The following CTNNA3 variants were observed in gnomAD, a reference collection of about 807,000 sequenced individuals.
CTNNA3 encodes the protein catenin alpha-3.
In CTNNA3, 76 loss-of-function variants were observed where a neutral mutation model predicts 95.7. The ratio of observed to expected loss-of-function variants is 0.79; its 90% CI spans 0.66 to 0.96. The LOEUF (loss-of-function observed/expected upper bound fraction) is 0.96. Ranked by LOEUF, CTNNA3 falls within the 40% of genes least tolerant of loss-of-function variation. The probability of loss-of-function intolerance (pLI) is 0.00; values close to 1 mark genes in which losing one functional copy is unlikely to be tolerated. For missense variants in CTNNA3, 1,191 were observed against 1,089.8 expected (o/e 1.09, Z -1.31); for synonymous variants, 431 against 374.4 (o/e 1.15, Z -1.74).
At chr10:66,445,326 T>C (rs1225872633) in intron 11 of CTNNA3, among the ~76,000 whole-genome samples, 5 of 152,074 alleles carry the variant, frequency 3.3e-5, no homozygotes, top group African/African-American at 4.8e-5. Context: ...GCAGACCTAA[T>C]AGACATCTAC....
intron 11 of CTNNA3, among the ~76,000 whole-genome samples, chr10:66,391,554 T>C (rs1176498630): frequency 2.6e-5 from 4 of 152,126 alleles, no homozygotes; most frequent in Non-Finnish European, 4.4e-5. Flanking sequence ...TCGATCAGGA[T>C]ATTTTAAAAC....
chr10:67,692,279 C>T lies in CTNNA3; in HGVS notation c.-6+3721G>A, dbSNP rs796612605. ...TGAGAACGGGCCATGATGACAATGG[C>T]GGTTTTGTGGAATAGAAAGGGGGGA... On this transcript the variant is annotated intron_variant, in intron 1 of 17. Transcript: ENST00000433211. Among the ~76,000 whole-genome samples, 66 of 142,270 alleles carry T rather than the reference C, an allele frequency of 4.6e-4. 1 individual carries two copies. In the South Asian group the frequency reaches 0.014, roughly 31 times the overall value. The allele number at this position is 142,270 out of a possible 152,430, so 93.3% of individuals were successfully genotyped here. A position where few individuals can be genotyped will look rare whatever the true frequency, so the allele number is the denominator to read the frequency against.
intron 11 of CTNNA3, among the ~76,000 whole-genome samples, chr10:66,458,832 A>G (rs2093510957): frequency 6.6e-6 from 1 of 152,184 alleles, no homozygotes; most frequent in African/African-American, 2.4e-5. Context: ...TCCCGTGAAG[A>G]GCATTTGGGC....
chr10:67,235,219 C>T (rs1049435936), intron 5 of CTNNA3, among the ~76,000 whole-genome samples: 8 of 151,736 alleles, frequency 5.3e-5, no homozygotes, highest in African/African-American at 1.9e-4. Flanking sequence ...AATCCTAAGC[C>T]AAAAGAACAA....
rs1209969358 is a variant in CTNNA3 at position 67,742,099 on chromosome 10, G to A, written c.-2+21335C>T. On this transcript the variant is annotated intron_variant, in intron 1 of 17. Coordinates refer to the CTNNA3 transcript ENST00000684154. ...CACTGTCAACATTAGACAGATCAAC[G>A]AGACAGAAAGTTAACAAGGATATCC... Among the ~76,000 whole-genome samples, 6 of 150,990 alleles carry A rather than the reference G, an allele frequency of 4.0e-5. No homozygotes were observed. In the Admixed American group the frequency reaches 4.0e-4, roughly 10 times the overall value.
At position 67,473,452 on chromosome 10, in the gene CTNNA3, CACA is replaced by C. The variant is rs146847796; in HGVS notation, c.579+48387_579+48389del. On this transcript the variant is annotated intron_variant, in intron 5 of 17. Coordinates refer to ENST00000433211, the MANE Select transcript of CTNNA3 (RefSeq NM_013266.4). ...AAATATTAGCGATAACAGAGAAATA[CACA>C]ACAACACAGAATATGAAACTAATAA... is the stretch of plus-strand genomic sequence containing the variant. Among the ~76,000 whole-genome samples, 823 of 152,260 alleles carry C rather than the reference CACA, an allele frequency of 5.4e-3. 21 individuals carry two copies. In the East Asian group the frequency reaches 0.069, roughly 13 times the overall value.
intron 15 of CTNNA3, among the ~76,000 whole-genome samples, chr10:66,044,098 G>A (rs999553313): frequency 6.6e-6 from 1 of 152,000 alleles, no homozygotes; most frequent in South Asian, 2.1e-4. Context: ...AGGTTCAAGC[G>A]ATTCTACTGA....
At chr10:66,601,046 T>C (rs1244677953) in intron 10 of CTNNA3, among the ~76,000 whole-genome samples, 1 of 151,868 alleles carries the variant, frequency 6.6e-6, no homozygotes, top group African/African-American at 2.4e-5. Flanking sequence ...TTCTTCTTCT[T>C]TATAATAGAA....
intron 11 of CTNNA3, among the ~76,000 whole-genome samples, chr10:66,511,867 A>G (rs980011697): frequency 1.4e-4 from 21 of 151,984 alleles, no homozygotes; most frequent in Admixed American, 7.9e-4. Context: ...GTAAATGTCT[A>G]TTAGGTTCAT....
intron 9 of CTNNA3, among the ~76,000 whole-genome samples, chr10:66,734,156 A>G (rs1849054029): frequency 6.6e-6 from 1 of 151,954 alleles, no homozygotes; most frequent in Non-Finnish European, 1.5e-5. Flanking sequence ...TTCCTTAAAA[A>G]AAAATATTGA....
chr10:67,055,232 GT>G (rs1456004756), intron 7 of CTNNA3, among the ~76,000 whole-genome samples: 1 of 152,106 alleles, frequency 6.6e-6, no homozygotes, highest in Admixed American at 6.5e-5. Context: ...ACATAAGTTT[GT>G]TTTTTATCCC....
chr10:67,712,360 A>C (rs746770578), intron 1 of CTNNA3, among the ~76,000 whole-genome samples: 1 of 151,952 alleles, frequency 6.6e-6, no homozygotes, highest in Non-Finnish European at 1.5e-5. Flanking sequence ...CCAAGTGTTA[A>C]GCCCCAAGAC....
intron 15 of CTNNA3, among the ~76,000 whole-genome samples, chr10:66,007,690 G>T (rs549880966): frequency 1.8e-4 from 16 of 90,788 alleles, no homozygotes; most frequent in Non-Finnish European, 3.0e-4. Flanking sequence ...AGGAGTATAA[G>T]CCAGGCTTTT....
chr10:67,442,048 A>C (rs1245755475), intron 5 of CTNNA3, among the ~76,000 whole-genome samples: 34 of 152,212 alleles, frequency 2.2e-4, no homozygotes, highest in Admixed American at 2.1e-3. Flanking sequence ...ACCTAAGAGA[A>C]ACAACCAAAT....
chr10:66,310,975 A>G (rs1036650603), intron 12 of CTNNA3, among the ~76,000 whole-genome samples: 2 of 152,082 alleles, frequency 1.3e-5, no homozygotes, highest in Non-Finnish European at 2.9e-5. Flanking sequence ...GTGTGAGTAT[A>G]TATAACTCTT....
chr10:67,093,461 GA>G (rs1285497898), intron 7 of CTNNA3, among the ~76,000 whole-genome samples: 2 of 151,648 alleles, frequency 1.3e-5, no homozygotes, highest in Non-Finnish European at 2.9e-5. Context: ...AGGTTACTGT[GA>G]AAAAAAGAAA....
chr10:66,020,731 G>T (rs2079186412), intron 15 of CTNNA3, among the ~76,000 whole-genome samples: 1 of 147,374 alleles, frequency 6.8e-6, no homozygotes, highest in African/African-American at 2.5e-5. Flanking sequence ...GCAATGGCAC[G>T]ATCTCTGCTC....
intron 5 of CTNNA3, among the ~76,000 whole-genome samples, chr10:67,506,479 A>G (rs1839432460): frequency 6.6e-6 from 1 of 152,240 alleles, no homozygotes; most frequent in African/African-American, 2.4e-5. Context: ...TTCTCATTAC[A>G]TATTAAATTA....
At chr10:66,143,281 T>A (rs146577096) in intron 13 of CTNNA3, among the ~76,000 whole-genome samples, 13 of 152,234 alleles carry the variant, frequency 8.5e-5, no homozygotes, top group Admixed American at 8.5e-4. Flanking sequence ...TACCAAGCAA[T>A]AGCCGCTGAA....
Sources: gnomAD v4.1 joint callset for allele counts (sites outside exome capture counted in the v4.1 genomes callset) on GRCh38, gnomAD v4.1.1 for gene constraint, MANE v1.5 for transcripts, NCBI Gene and HGNC (gene_info 2026-07-23, HGNC 2026-07-21) for gene names.